The following PARD3 variants were observed in gnomAD, a reference collection of about 807,000 sequenced individuals.
The protein encoded by PARD3 is partitioning defective 3 homolog.
A neutral mutation model predicts 155.4 loss-of-function variants in PARD3; 75 were observed. That is an observed-to-expected ratio of 0.48 (90% CI 0.40 to 0.58). The LOEUF is 0.58. Among genes scored for constraint, PARD3 ranks in the 20% least tolerant of loss-of-function variants. The probability of loss-of-function intolerance (pLI) is 0.00; values close to 1 mark genes in which losing one functional copy is unlikely to be tolerated. For synonymous variants in PARD3, 576 were observed against 610.5 expected (o/e 0.94, Z 0.83); for missense variants, 1,642 against 1,721.7 (o/e 0.95, Z 0.82).
At chr10:34,412,142 T>C (rs1228014289) in intron 5 of PARD3, among the ~76,000 whole-genome samples, 1 of 151,978 alleles carries the variant, frequency 6.6e-6, no homozygotes, top group African/African-American at 2.4e-5. Flanking sequence ...TTTTAAATAT[T>C]TGTACAGACT....
chr10:34,448,296 C>A (rs1317455390), intron 5 of PARD3, among the ~76,000 whole-genome samples: 3 of 149,670 alleles, frequency 2.0e-5, no homozygotes, highest in African/African-American at 4.9e-5. Context: ...AAGACAAAAT[C>A]TGTACGATTT....
chr10:34,400,457 T>C (rs1447232662), intron 6 of PARD3, among the ~76,000 whole-genome samples: 3 of 152,218 alleles, frequency 2.0e-5, no homozygotes, highest in Admixed American at 2.0e-4. Flanking sequence ...TTTTTCTTTC[T>C]TTGTAGATTT....
chr10:34,562,154 G>T, intron 2 of PARD3, among the ~76,000 whole-genome samples: 1 of 117,826 alleles, frequency 8.5e-6, no homozygotes, highest in South Asian at 2.7e-4. Context: ...AAAAAAAAAG[G>T]CTTGTTGGGG....
At chr10:34,416,701 T>C (rs1403697494) in intron 5 of PARD3, among the ~76,000 whole-genome samples, 2 of 152,112 alleles carry the variant, frequency 1.3e-5, no homozygotes, top group Non-Finnish European at 2.9e-5. Flanking sequence ...TGACATCCAT[T>C]TGCTAGAGAT....
At chr10:34,182,666 C>T (rs1458847941) in intron 22 of PARD3, among the ~76,000 whole-genome samples, 1 of 150,736 alleles carries the variant, frequency 6.6e-6, no homozygotes. Flanking sequence ...CAAATCTTAT[C>T]TATTCAGTAA....
In PARD3 at chr10:34,328,700, C is replaced by T. The variant is rs56823490; in HGVS notation, c.2833+2417G>A. On this transcript the variant is annotated intron_variant, in intron 19 of 24. Coordinates refer to ENST00000374788, the MANE Select transcript of PARD3 (RefSeq NM_001184785.2). The stretch of plus-strand genomic sequence containing the variant: ...AGTTTTACAAATGAAGAAATTAAAG[C>T]TCAAGCAGTTGAAGTTTTGACTAAA... Among the ~76,000 whole-genome samples, 378 of 152,198 alleles carry T rather than the reference C, an allele frequency of 2.5e-3. 1 individual carries two copies. The highest frequency in any genetic ancestry group is 8.6e-3 in the African/African-American group (359 of 41,518).
At chr10:34,688,999 A>G (rs2094000228) in intron 2 of PARD3, among the ~76,000 whole-genome samples, 1 of 152,174 alleles carries the variant, frequency 6.6e-6, no homozygotes, top group Non-Finnish European at 1.5e-5. Flanking sequence ...CAGGAGGGGG[A>G]CTGTAAAATG....
intron 2 of PARD3, among the ~76,000 whole-genome samples, chr10:34,664,280 G>A (rs1204783660): frequency 6.6e-6 from 1 of 152,114 alleles, no homozygotes; most frequent in Non-Finnish European, 1.5e-5. Flanking sequence ...TCGGCTCACT[G>A]CAACCTCCAC....
chr10:34,717,861 A>G (rs146473266), intron 1 of PARD3, among the ~76,000 whole-genome samples: 49 of 152,266 alleles, frequency 3.2e-4, no homozygotes, highest in Middle Eastern at 3.4e-3. Flanking sequence ...ACACTTAAAT[A>G]TTAATTTCGG....
chr10:34,616,262 A>G (rs1163109728), intron 2 of PARD3, among the ~76,000 whole-genome samples: 1 of 152,156 alleles, frequency 6.6e-6, no homozygotes, highest in African/African-American at 2.4e-5. Flanking sequence ...CTTTGCAGTG[A>G]GCTAAGATCG....
At chr10:34,420,258 C>T (rs1846062655) in intron 5 of PARD3, among the ~76,000 whole-genome samples, 1 of 152,178 alleles carries the variant, frequency 6.6e-6, no homozygotes, top group African/African-American at 2.4e-5. Flanking sequence ...ACACTTAAGC[C>T]TGTTTCTAGC....
chr10:34,566,862 A>C (rs1022141421), intron 2 of PARD3, among the ~76,000 whole-genome samples: 1 of 152,210 alleles, frequency 6.6e-6, no homozygotes, highest in African/African-American at 2.4e-5. Flanking sequence ...ATAAGAATAT[A>C]TCTTTAAGTG....
At chr10:34,666,779 A>C (rs1213977460) in intron 2 of PARD3, among the ~76,000 whole-genome samples, 27 of 84,678 alleles carry the variant, frequency 3.2e-4, no homozygotes, top group African/African-American at 1.0e-3. Context: ...CCTCCCCCTA[A>C]AAAAAAAAAA....
At chr10:34,630,899 C>G (rs939986522) in intron 2 of PARD3, among the ~76,000 whole-genome samples, 1 of 151,980 alleles carries the variant, frequency 6.6e-6, no homozygotes, top group Non-Finnish European at 1.5e-5. Context: ...ACTACAGCCT[C>G]AAACTCCTGG....
intron 19 of PARD3, among the ~76,000 whole-genome samples, chr10:34,325,198 T>TG (rs1157268920): frequency 6.6e-6 from 1 of 152,032 alleles, no homozygotes; most frequent in Non-Finnish European, 1.5e-5. Context: ...TTAGTAGAGA[T>TG]GGGGTCTCGC....
At chr10:34,535,267 A>T (rs2083141898) in intron 2 of PARD3, among the ~76,000 whole-genome samples, 2 of 152,154 alleles carry the variant, frequency 1.3e-5, no homozygotes, top group African/African-American at 2.4e-5. Flanking sequence ...ATTAGCAAAA[A>T]GTGTTAAGTA....
At chr10:34,715,076 CTTT>C (rs35205452) in intron 1 of PARD3, among the ~76,000 whole-genome samples, 29 of 136,698 alleles carry the variant, frequency 2.1e-4, no homozygotes, top group Non-Finnish European at 3.0e-4. Flanking sequence ...CTAGCCTAAC[CTTT>C]TTTTTTTTTT....
At chr10:34,197,820 C>T (rs1441096959) in intron 22 of PARD3, among the ~76,000 whole-genome samples, 2 of 152,204 alleles carry the variant, frequency 1.3e-5, no homozygotes, top group Non-Finnish European at 2.9e-5. Flanking sequence ...ACCTCTGCCT[C>T]CCAGGTTCAA....
intron 5 of PARD3, among the ~76,000 whole-genome samples, chr10:34,445,014 T>C (rs1006995160): frequency 6.6e-6 from 1 of 151,852 alleles, no homozygotes; most frequent in Non-Finnish European, 1.5e-5. Context: ...TAAAGGAAGA[T>C]GGCCATCAGT....
Sources: gnomAD v4.1 joint callset for allele counts (sites outside exome capture counted in the v4.1 genomes callset) on GRCh38, gnomAD v4.1.1 for gene constraint, MANE v1.5 for transcripts, NCBI Gene and HGNC (gene_info 2026-07-23, HGNC 2026-07-21) for gene names.